The following AHDC1 variants were observed in gnomAD, a reference collection of about 807,000 sequenced individuals.
The protein encoded by AHDC1 is transcription factor Gibbin.
Under a neutral mutation model 87.9 loss-of-function variants are expected in AHDC1, and 7 were observed. That is an observed-to-expected ratio of 0.08 (90% CI 0.05 to 0.15). The LOEUF is 0.15. Ranked by LOEUF, AHDC1 falls within the 10% of genes least tolerant of loss-of-function variation. AHDC1 has a pLI of 1.00. For missense variants in AHDC1, 1,841 were observed against 2,253.2 expected, an observed-to-expected ratio of 0.82 and a Z score of 3.70; for synonymous variants, 1,051 against 1,006.8, an observed-to-expected ratio of 1.04 and a Z score of -0.83.
intron 3 of AHDC1, among the ~76,000 whole-genome samples, chr1:27,584,411 C>T (rs991025798): frequency 6.6e-6 from 1 of 152,240 alleles, no homozygotes; most frequent in Non-Finnish European, 1.5e-5. Flanking sequence ...ATTATTATTT[C>T]CCCTCAACAG....
rs995639444 is a variant in AHDC1 at position 27,595,002 on chromosome 1, T to C, written c.-629+8395A>G. Among the ~76,000 whole-genome samples the C allele has an allele frequency of 6.6e-6, 1 of 151,430 alleles. No homozygotes were observed. Among genetic ancestry groups the C allele is most frequent in the African/African-American group, 2.4e-5 (1 of 41,108 alleles). ...GGAGCTGAGACTGTCTGGGAAGCGG[T>C]GGGGCCGGGCCATTAGGACTGCCTG... On this transcript the variant is annotated intron_variant, in intron 3 of 8. Transcript: ENST00000673934. This position sits in a 1 kb window ranked among gnomAD's most constrained non-coding sequence, Gnocchi z 4.0.
chr1:27,596,026 C>A (rs537887129), intron 3 of AHDC1, among the ~76,000 whole-genome samples: 14 of 151,980 alleles, frequency 9.2e-5, no homozygotes, highest in African/African-American at 3.1e-4. Context: ...TAACTGAGTC[C>A]CTGGACCCCA....
intron 8 of AHDC1, among the ~76,000 whole-genome samples, chr1:27,537,622 G>A (rs950251635): frequency 6.6e-6 from 1 of 152,114 alleles, no homozygotes; most frequent in Non-Finnish European, 1.5e-5. Flanking sequence ...TTGTCATCCC[G>A]ACCTGGCTCC....
In AHDC1 at chr1:27,601,008, C is replaced by T. The variant is rs568206399; in HGVS notation, c.-629+2389G>A. 3.3e-4 allele frequency among the ~76,000 whole-genome samples: 48 copies of T among 145,590 alleles called. 1 individual carries two copies. Among genetic ancestry groups the T allele is most frequent in the African/African-American group, 1.1e-3 (45 of 41,050 alleles). On this transcript the variant is annotated intron_variant, in intron 3 of 8. Transcript: ENST00000673934. Reference sequence around the variant, plus strand: ...GCCTGAGGGTGGTAGGGGCTCCCTGCCCCCACGACCCTGTTCCAGACCCCC... The same window carrying T: ...GCCTGAGGGTGGTAGGGGCTCCCTGTCCCCACGACCCTGTTCCAGACCCCC...
chr1:27,580,641 T>C (rs1291054258), intron 3 of AHDC1, among the ~76,000 whole-genome samples: 2 of 152,222 alleles, frequency 1.3e-5, no homozygotes, highest in African/African-American at 4.8e-5. Context: ...AGTTTTCTCG[T>C]CTGTAAAATG....
At chr1:27,602,402 T>G (rs1488749912) in intron 3 of AHDC1, among the ~76,000 whole-genome samples, 3 of 152,136 alleles carry the variant, frequency 2.0e-5, no homozygotes, top group Admixed American at 1.3e-4. Flanking sequence ...GGGGTCAGGC[T>G]GCTGGGGAAC....
Position 27,550,102 on chromosome 1 carries a change from C to T in AHDC1, c.2014G>A (p.Ala672Thr), listed in dbSNP as rs779503242. The change falls in exon 8 of 9, where the codon GCA becomes ACA. Residue 672 changes from alanine to threonine, a missense_variant. By Grantham distance (58) the Ala-to-Thr change is moderately conservative. Transcript: ENST00000673934. ...CCACCCCGGCCACCAAAACCGCCTG[C>T]TTTGCCCCCACGCCGCCGGAAGCCC... The part of the protein sequence containing the change: ...VQGFRRRGGK[A>T]GGFGGRGGGH... The T allele has an allele frequency of 9.9e-6, 16 of 1,610,774 alleles. No individual in the cohort carries two copies. In the East Asian group the frequency reaches 2.9e-4, roughly 29 times the overall value.
chr1:27,556,968 C>T (rs924797304), intron 5 of AHDC1, among the ~76,000 whole-genome samples: 3 of 151,588 alleles, frequency 2.0e-5, no homozygotes, highest in African/African-American at 7.3e-5. Context: ...CCTGCCCCGC[C>T]CCCTGGGGCC....
At chr1:27,583,636 C>G (rs962311485) in intron 3 of AHDC1, among the ~76,000 whole-genome samples, 1 of 152,118 alleles carries the variant, frequency 6.6e-6, no homozygotes, top group African/African-American at 2.4e-5. Context: ...TCACCCCTAA[C>G]CCGTCTCTTA....
In AHDC1 at chr1:27,558,805, C is replaced by A. The variant is rs1390932263; in HGVS notation, c.-550G>T. 6 of 398,588 alleles carry A rather than the reference C, an allele frequency of 1.5e-5. No individual in the cohort carries two copies. The highest frequency in any genetic ancestry group is 6.2e-5 in the African/African-American group (3 of 48,654). The allele number at this position is 398,588 out of a possible 1,614,324, so 24.7% of individuals were successfully genotyped here. ...GCAACGGCCTGAGCGTCGCCCCGCA[C>A]TCGGGGCCCTCTGCACACGCTCAAC... On this transcript the variant is annotated 5_prime_UTR_variant, in exon 4 of 9. Coordinates refer to ENST00000673934, the MANE Select transcript of AHDC1 (RefSeq NM_001371928.1). This position sits in a 1 kb window ranked among gnomAD's most constrained non-coding sequence, Gnocchi z 5.6.
intron 3 of AHDC1, among the ~76,000 whole-genome samples, chr1:27,576,861 G>A (rs551775567): frequency 6.6e-6 from 1 of 152,246 alleles, no homozygotes; most frequent in Non-Finnish European, 1.5e-5. Flanking sequence ...GTGGTGACCC[G>A]TGACCCTGGC....
Position 27,551,089 on chromosome 1 carries a change from C to G in AHDC1, c.1027G>C (p.Val343Leu). The change falls in exon 8 of 9, where the codon GTC (valine) becomes CTC (leucine). Residue 343 changes from valine (V) to leucine (L), a missense_variant. Physicochemically the swap from Val to Leu is conservative, Grantham distance 32 (BLOSUM62 1). Transcript: ENST00000673934. ...TGGGGCTCCAGACGGCGACCTGGGA[C>G]GTCAAGCAGCTTGGGCAGGGGGTCG... ...ALDPLPKLLDVPGRRLEPQQP... is the reference protein window; with the variant it reads ...ALDPLPKLLDLPGRRLEPQQP... 6.4e-7 allele frequency: 1 copy of G among 1,567,216 alleles called. No homozygotes were observed. Among genetic ancestry groups the G allele is most frequent in the Non-Finnish European group, 8.6e-7 (1 of 1,156,688 alleles).
chr1:27,571,364 G>A (rs899961837), intron 3 of AHDC1, among the ~76,000 whole-genome samples: 11 of 152,188 alleles, frequency 7.2e-5, no homozygotes, highest in African/African-American at 1.2e-4. Context: ...GTCTGATGGG[G>A]GAGACCAGGC....
intron 3 of AHDC1, among the ~76,000 whole-genome samples, chr1:27,569,090 T>A: frequency 1.2e-5 from 1 of 85,518 alleles, no homozygotes; most frequent in African/African-American, 4.6e-5. Flanking sequence ...CCACCCCAAA[T>A]CATCTGGATA....
chr1:27,584,765 C>T (rs2089001532), intron 3 of AHDC1, among the ~76,000 whole-genome samples: 1 of 152,132 alleles, frequency 6.6e-6, no homozygotes. Flanking sequence ...CCCCATCAAA[C>T]TTAGTGTTGG....
intron 3 of AHDC1, among the ~76,000 whole-genome samples, chr1:27,574,439 C>T (rs2088642998): frequency 1.3e-5 from 2 of 152,140 alleles, no homozygotes; most frequent in Non-Finnish European, 2.9e-5. Flanking sequence ...AACTTTGAGC[C>T]CCACCACAAG....
rs1195926361 is a variant in AHDC1, at chr1:27,550,954, C to T, written c.1162G>A (p.Asp388Asn). Residue 388 changes from aspartate to asparagine, a missense_variant, in exon 8 of 9, where the codon GAT becomes AAT. Physicochemically the swap from Asp to Asn is conservative, Grantham distance 23. This residue lies in a region of AHDC1 where 370 missense variants were observed against 391.5 expected (regional missense o/e 0.95). Transcript: ENST00000673934. ...CGGCGACACAGGATCTTTGGCCTAT[C>T]AGTGCGCCGCAAGGCGTACTTGGGG... ...GHPKYALRRT[D>N]RPKILCRRRK... The T allele has an allele frequency of 1.9e-6, 3 of 1,598,002 alleles. No homozygotes were observed. Among genetic ancestry groups the T allele is most frequent in the Non-Finnish European group, 2.5e-6 (3 of 1,178,146 alleles).
chr1:27,538,400 CAAA>C (rs370786800), intron 8 of AHDC1, among the ~76,000 whole-genome samples: 3,400 of 60,712 alleles, frequency 0.056, 196 homozygotes, highest in African/African-American at 0.17. Flanking sequence ...AAGACTGTCT[CAAA>C]AAAAAAAAAA....
chr1:27,577,920 C>T (rs1326274916), intron 3 of AHDC1, among the ~76,000 whole-genome samples: 1 of 152,178 alleles, frequency 6.6e-6, no homozygotes, highest in East Asian at 1.9e-4. Flanking sequence ...GTTAAGACTC[C>T]AGGGGAGGGA....
Sources: gnomAD v4.1 joint callset for allele counts (sites outside exome capture counted in the v4.1 genomes callset) on GRCh38, gnomAD v4.1.1 for gene constraint, gnomAD v4.1.1 regional missense constraint, Gnocchi (gnomAD v3.1) non-coding constraint, MANE v1.5 for transcripts, NCBI Gene and HGNC (gene_info 2026-07-23, HGNC 2026-07-21) for gene names.